Variants in KASH5 observed in about 807,000 individuals in gnomAD.
KASH5 encodes protein KASH5.
A neutral mutation model predicts 84.2 loss-of-function variants in KASH5; 72 were observed. The observed-to-expected ratio is 0.85, with a 90% CI of 0.71 to 1.04. The LOEUF is 1.04. Among genes scored for constraint, KASH5 ranks in the 50% least tolerant of loss-of-function variants. The pLI is 0.00. For missense variants in KASH5, 650 were observed against 701.0 expected (o/e 0.93, Z 0.82); for synonymous variants, 260 against 279.1 (o/e 0.93, Z 0.68).
chr19:49,391,096 C>T (rs543268392), intron 2 of KASH5, among the ~76,000 whole-genome samples, 170 bp downstream of exon 2: 2 of 152,238 alleles, frequency 1.3e-5, no homozygotes, highest in African/African-American at 4.8e-5. Context: ...TAAGTGCCTA[C>T]TCTATGCCCG....
At chr19:49,394,780 G>A in intron 3 of KASH5, 200 bp downstream of exon 3, 1 of 595,010 alleles carries the variant, frequency 1.7e-6, no homozygotes, top group Non-Finnish European at 3.0e-6. Context: ...GGAAAACTTG[G>A]GGGACGTTGA....
intron 5 of KASH5, among the ~76,000 whole-genome samples, chr19:49,397,256 T>G (rs1311315219): frequency 6.6e-6 from 1 of 151,412 alleles, no homozygotes; most frequent in Non-Finnish European, 1.5e-5. Flanking sequence ...GGCCGGGGCA[T>G]GGAGACAGAG....
In KASH5 at chr19:49,412,849, A is replaced by T; in HGVS notation, c.1270-119A>T. The T allele has an allele frequency of 1.1e-6, 1 of 901,088 alleles. No individual in the cohort carries two copies. The highest frequency in any genetic ancestry group is 1.5e-5 in the South Asian group (1 of 65,384). The allele number at this position is 901,088 out of a possible 1,614,324, so 55.8% of individuals were successfully genotyped here. A position where few individuals can be genotyped will look rare whatever the true frequency, so the allele number is the denominator to read the frequency against. On this transcript the variant is annotated intron_variant, in intron 15 of 19. Coordinates refer to ENST00000447857, the MANE Select transcript of KASH5 (RefSeq NM_144688.5). This position sits in a 1 kb window ranked among gnomAD's most constrained non-coding sequence, Gnocchi z 4.6. ...GGTGGTGAATTCATGTGTAGGTTGC[A>T]GCCTGGAAGACCTTTTGTATATGGG...
Position 49,399,619 on chromosome 19 carries a change from A to T in KASH5, c.798+112A>T. The T allele has an allele frequency of 6.5e-7, 1 of 1,543,588 alleles. No individual in the cohort carries two copies. The highest frequency in any genetic ancestry group is 8.8e-7 in the Non-Finnish European group (1 of 1,142,476). ...GCAGCCTGTCTTGGGGAGACCTCAG[A>T]ATGTCAGTAGTGTGGGAATGTCCCT... On this transcript the variant is annotated intron_variant, in intron 9 of 19. Transcript: ENST00000447857. The surrounding 1 kb of genome is among the most constrained non-coding windows in gnomAD (Gnocchi z 4.4).
intron 16 of KASH5, among the ~76,000 whole-genome samples, chr19:49,413,411 G>A (rs962164002): frequency 3.9e-5 from 6 of 152,232 alleles, no homozygotes; most frequent in African/African-American, 1.2e-4. Flanking sequence ...TTAGGAGGCT[G>A]TGTCCAGGCC....
intron 1 of KASH5, 135 bp from the exon 2 acceptor site, chr19:49,390,654 C>T (rs890839274): frequency 1.0e-5 from 5 of 484,452 alleles, no homozygotes; most frequent in African/African-American, 2.1e-5. Flanking sequence ...CAGGTCAGAG[C>T]GGAGCTGCTC....
chr19:49,415,109 G>A (rs1281966040), intron 17 of KASH5, 113 bp downstream of exon 17: 3 of 1,036,144 alleles, frequency 2.9e-6, no homozygotes, highest in Admixed American at 2.1e-5. Flanking sequence ...CTCAGGAGCA[G>A]AGAGAAAAAT....
intron 9 of KASH5, among the ~76,000 whole-genome samples, chr19:49,403,685 G>C (rs1209867505): frequency 6.6e-6 from 1 of 151,264 alleles, no homozygotes; most frequent in East Asian, 1.9e-4. Context: ...CTCAGACAGA[G>C]AGAGTAGATC....
chr19:49,407,774 A>C, intron 12 of KASH5, 103 bp downstream of exon 12: 4 of 1,118,618 alleles, frequency 3.6e-6, no homozygotes, highest in Non-Finnish European at 5.3e-6. Flanking sequence ...GTCAGTGGCC[A>C]CATCTTGCTT....
intron 14 of KASH5, among the ~76,000 whole-genome samples, 174 bp from the exon 15 acceptor site, chr19:49,409,579 C>T (rs1277699019): frequency 6.6e-6 from 1 of 152,162 alleles, no homozygotes; most frequent in East Asian, 1.9e-4. Flanking sequence ...TTGGTCCTGG[C>T]ACCAAATCCT....
At position 49,390,770 on chromosome 19, in the gene KASH5, T is replaced by TA; in HGVS notation, c.-95-19_-95-18insA. The TA allele has an allele frequency of 1.6e-6, 2 of 1,231,638 alleles. No homozygotes were observed. The highest frequency in any genetic ancestry group is 2.2e-6 in the Non-Finnish European group (2 of 908,680). 76.3% of individuals were successfully genotyped at this position (1,231,638 alleles called of 1,614,324 possible). A position where few individuals can be genotyped will look rare whatever the true frequency, so the allele number is the denominator to read the frequency against. Reference sequence around the variant, plus strand: ...TTGGTGGCTGCTCTGAGGACACCATTTCCTGCTTCTCCTTCCAGGAGTGCT... The same window carrying TA: ...TTGGTGGCTGCTCTGAGGACACCATTATCCTGCTTCTCCTTCCAGGAGTGCT... On this transcript the variant is annotated intron_variant, in intron 1 of 19. Coordinates refer to ENST00000447857, the MANE Select transcript of KASH5 (RefSeq NM_144688.5).
At chr19:49,407,110 C>G in intron 10 of KASH5, 130 bp from the exon 11 acceptor site, 1 of 1,309,264 alleles carries the variant, frequency 7.6e-7, no homozygotes, top group Non-Finnish European at 1.1e-6. Flanking sequence ...CCCTAAAATC[C>G]CTGAAGTCCT....
intron 7 of KASH5, 38 bp downstream of exon 7, chr19:49,398,181 T>G (rs1164739366): frequency 6.8e-7 from 1 of 1,475,036 alleles, no homozygotes; most frequent in East Asian, 2.5e-5. Context: ...CCAGCGCCCC[T>G]GCCTCCGTCC....
Position 49,414,464 on chromosome 19 carries a change from C to T in KASH5, c.1329-487C>T, listed in dbSNP as rs928424038. Among the ~76,000 whole-genome samples, 4 of 152,032 alleles carry T rather than the reference C, an allele frequency of 2.6e-5. No individual in the cohort carries two copies. Among genetic ancestry groups the T allele is most frequent in the Non-Finnish European group, 4.4e-5 (3 of 67,994 alleles). On this transcript the variant is annotated intron_variant, in intron 16 of 19. Coordinates refer to ENST00000447857, the MANE Select transcript of KASH5 (RefSeq NM_144688.5). This position sits in a 1 kb window ranked among gnomAD's most constrained non-coding sequence, Gnocchi z 4.5. Reference sequence around the variant, plus strand: ...ACTAGACAGGAAGGGGGTTTCGACACGTGCTCTGGGGTCTTACAGAGGCCT... The same window carrying T: ...ACTAGACAGGAAGGGGGTTTCGACATGTGCTCTGGGGTCTTACAGAGGCCT...
At chr19:49,413,596 G>A (rs1974796557) in intron 16 of KASH5, among the ~76,000 whole-genome samples, 1 of 152,230 alleles carries the variant, frequency 6.6e-6, no homozygotes, top group Admixed American at 6.5e-5. Context: ...TCTGGGAAGA[G>A]CTGAGATTGG....
chr19:49,395,150 A>G lies in KASH5; in HGVS notation c.193A>G (p.Thr65Ala), dbSNP rs755851470. 1 of 1,612,440 alleles carries G rather than the reference A, an allele frequency of 6.2e-7. No homozygotes were observed. Among genetic ancestry groups the G allele is most frequent in the Non-Finnish European group, 8.5e-7 (1 of 1,179,444 alleles). ...AQVLAYLEAV[T>A]GQGPQDARLQ... ...GGTGCTGGCCTACCTGGAGGCTGTG[A>G]CAGGCCAGGGCCCCCAGGATGCACG... Residue 65 changes from threonine to alanine, a missense_variant, in exon 4 of 20, where the codon ACA becomes GCA. By Grantham distance (58) the Thr-to-Ala change is moderately conservative. Coordinates refer to ENST00000447857, the MANE Select transcript of KASH5 (RefSeq NM_144688.5). This position sits in a 1 kb window ranked among gnomAD's most constrained non-coding sequence, Gnocchi z 4.4.
In KASH5 at chr19:49,394,589, G is replaced by A; in HGVS notation, c.148+9G>A. ...TGACCCTCAGAGGACAGGTGGTGGG[G>A]GCATGAGGGGTGCTGGGGACCAGTG... On this transcript the variant is annotated intron_variant, in intron 3 of 19. Coordinates refer to ENST00000447857, the MANE Select transcript of KASH5 (RefSeq NM_144688.5). The A allele has an allele frequency of 6.2e-7, 1 of 1,606,404 alleles. No homozygotes were observed. The highest frequency in any genetic ancestry group is 2.2e-5 in the East Asian group (1 of 44,814).
At chr19:49,404,823 T>C (rs1323552923) in intron 9 of KASH5, among the ~76,000 whole-genome samples, 1 of 152,162 alleles carries the variant, frequency 6.6e-6, no homozygotes, top group Non-Finnish European at 1.5e-5. Context: ...TTGATATGTA[T>C]AGCACCACCC....
intron 1 of KASH5, among the ~76,000 whole-genome samples, chr19:49,389,058 GA>G (rs887894386): frequency 1.1e-4 from 15 of 134,334 alleles, no homozygotes; most frequent in African/African-American, 4.3e-4. Flanking sequence ...GAGACCCCCA[GA>G]AATCCAGTCA....
Sources: gnomAD v4.1 joint callset for allele counts (sites outside exome capture counted in the v4.1 genomes callset) on GRCh38, gnomAD v4.1.1 for gene constraint, Gnocchi (gnomAD v3.1) non-coding constraint, MANE v1.5 for transcripts, NCBI Gene and HGNC (gene_info 2026-07-23, HGNC 2026-07-21) for gene names.